The following ZKSCAN7 variants were observed in gnomAD, a reference collection of about 807,000 sequenced individuals.
ZKSCAN7 encodes the protein zinc finger protein with KRAB and SCAN domains 7.
ZKSCAN7 carries 38 observed loss-of-function variants against 65.3 expected under a neutral mutation model. The ratio of observed to expected loss-of-function variants is 0.58; its 90% confidence interval spans 0.45 to 0.76. ZKSCAN7 has a LOEUF of 0.76. Among genes scored for constraint, ZKSCAN7 ranks in the 30% least tolerant of loss-of-function variants. The probability of loss-of-function intolerance (pLI) is 0.00; values close to 1 mark genes in which losing one functional copy is unlikely to be tolerated. For missense variants in ZKSCAN7, 815 were observed against 913.3 expected (o/e 0.89, Z 1.39); for synonymous variants, 321 against 321.0 (o/e 1.00, Z 0.00).
At chr3:44,563,474 A>G (rs1283602079) in intron 2 of ZKSCAN7, among the ~76,000 whole-genome samples, 1 of 152,222 alleles carries the variant, frequency 6.6e-6, no homozygotes, top group African/African-American at 2.4e-5. Flanking sequence ...AGAAAGCATG[A>G]CTGGGAGGCC....
downstream of ZKSCAN7, among the ~76,000 whole-genome samples, chr3:44,572,981 G>A (rs957853690): frequency 1.3e-5 from 2 of 152,042 alleles, no homozygotes; most frequent in Admixed American, 6.6e-5. Flanking sequence ...ACTATGACGA[G>A]GCTTGTGGCA....
At chr3:44,578,941 C>T (rs1699989457) in intron 5 of ZKSCAN7, among the ~76,000 whole-genome samples, 3 of 152,234 alleles carry the variant, frequency 2.0e-5, no homozygotes, top group Admixed American at 1.3e-4. Flanking sequence ...CCTGCAGGAG[C>T]CGGTTCTGCT....
rs758416221 is a variant in ZKSCAN7 at position 44,571,404 on chromosome 3, G to A, written c.*29G>A. On this transcript the variant is annotated 3_prime_UTR_variant, in exon 6 of 6. Coordinates refer to ENST00000426540, the MANE Select transcript of ZKSCAN7 (RefSeq NM_001288590.2). Reference sequence around the variant, plus strand: ...ATGGTTCTCTGAGACAGAGAGCAACGACCTTTGAGTTAAGCTGTCTTTATA... The same window carrying A: ...ATGGTTCTCTGAGACAGAGAGCAACAACCTTTGAGTTAAGCTGTCTTTATA... The A allele has an allele frequency of 2.5e-6, 4 of 1,610,750 alleles. No homozygotes were observed. The highest frequency in any genetic ancestry group is 1.7e-5 in the Admixed American group (1 of 60,026).
intron 5 of ZKSCAN7, among the ~76,000 whole-genome samples, chr3:44,578,748 C>T (rs1172505170): frequency 2.6e-5 from 4 of 152,214 alleles, no homozygotes; most frequent in Admixed American, 6.5e-5. Context: ...GCTGTCTCCT[C>T]GGCTAGGAGT....
intron 2 of ZKSCAN7, 82 bp downstream of exon 2, chr3:44,557,552 A>G (rs2125707852): frequency 6.4e-7 from 1 of 1,574,070 alleles, no homozygotes; most frequent in African/African-American, 1.4e-5. Flanking sequence ...TCCACTTCCC[A>G]GGCCCTAGGC....
At position 44,580,986 on chromosome 3, in the gene ZKSCAN7, G is replaced by A. The variant is rs143506509; in HGVS notation, c.812-1986G>A. On this transcript the variant is annotated intron_variant, in intron 5 of 5. Transcript: ENST00000341840. ...ACACTTGCTCTTGTTGAAGATGTTG[G>A]CCTGGAATTTCCTGCACGGGTTCTC... The A allele has an allele frequency of 1.9e-4, 302 of 1,611,308 alleles. 1 individual carries two copies. Among genetic ancestry groups the A allele is most frequent in the Middle Eastern group, 9.0e-4 (4 of 4,466 alleles).
intron 5 of ZKSCAN7, among the ~76,000 whole-genome samples, chr3:44,578,813 T>G (rs1699985973): frequency 6.6e-6 from 1 of 152,168 alleles, no homozygotes; most frequent in South Asian, 2.1e-4. Context: ...CCTCTGGAGA[T>G]CTTCAATCTT....
chr3:44,568,312 T>C lies in ZKSCAN7; in HGVS notation c.690T>C (p.Thr230=). Residue 230 remains threonine (T), a synonymous_variant, in exon 5 of 6, where the codon ACT becomes ACC. Coordinates refer to ENST00000426540, the MANE Select transcript of ZKSCAN7 (RefSeq NM_001288590.2). ...ATTGGAGCTTGTCATTCCAGGATAC[T>C]GTGGCATATGAGGACCTATCTGTAG... ...TVLRMVRPQD[T]VAYEDLSVDY... 1 of 1,612,430 alleles carries C rather than the reference T, an allele frequency of 6.2e-7. No homozygotes were observed. The highest frequency in any genetic ancestry group is 8.5e-7 in the Non-Finnish European group (1 of 1,179,364).
At chr3:44,582,437 C>T (rs1428036969) in intron 5 of ZKSCAN7, among the ~76,000 whole-genome samples, 1 of 152,152 alleles carries the variant, frequency 6.6e-6, no homozygotes, top group African/African-American at 2.4e-5. Flanking sequence ...CCTTAGATGG[C>T]CTAGTCCACA....
intron 2 of ZKSCAN7, among the ~76,000 whole-genome samples, chr3:44,562,811 A>G (rs1314489009): frequency 6.6e-6 from 1 of 152,098 alleles, no homozygotes; most frequent in Non-Finnish European, 1.5e-5. Flanking sequence ...TCTACTAAAA[A>G]TACAAAAAAT....
downstream of ZKSCAN7, among the ~76,000 whole-genome samples, chr3:44,575,963 T>G (rs145191963): frequency 0.014 from 2,171 of 152,284 alleles, 34 homozygotes; most frequent in African/African-American, 0.029. Context: ...TTTGGAAGTT[T>G]TTTTTCTTTT....
intron 5 of ZKSCAN7, among the ~76,000 whole-genome samples, chr3:44,577,642 G>T (rs4682747): frequency 6.6e-6 from 1 of 152,040 alleles, no homozygotes; most frequent in Non-Finnish European, 1.5e-5. Context: ...GTGAGTGTGG[G>T]GGGTCACAGC....
rs1205612543 is a variant in ZKSCAN7, at chr3:44,571,228, T to C, written c.2118T>C (p.Leu706=). The change falls in exon 6 of 6, where the codon CTT becomes CTC. Residue 706 remains leucine, a synonymous_variant. Transcript: ENST00000426540. ...CGKAFSDSSQ[L]IVHQRVHTGE... is the part of the protein sequence containing the mutation. ...AAGCTTTTAGTGACAGCTCACAGCT[T>C]ATTGTACACCAGAGAGTCCACACCG... 2.5e-6 allele frequency: 4 copies of C among 1,614,008 alleles called. No individual in the cohort carries two copies. Among genetic ancestry groups the C allele is most frequent in the African/African-American group, 1.3e-5 (1 of 74,876 alleles).
At chr3:44,556,845 G>A (rs1466120856) in intron 1 of ZKSCAN7, 85 bp from the exon 2 acceptor site, 3 of 690,550 alleles carry the variant, frequency 4.3e-6, no homozygotes, top group Non-Finnish European at 7.4e-6. Flanking sequence ...TTTTCCTGGA[G>A]CTTTGTTTTT....
chr3:44,580,640 GA>G, intron 5 of ZKSCAN7: 1 of 1,613,976 alleles, frequency 6.2e-7, no homozygotes, highest in Admixed American at 1.7e-5. Context: ...CCGCCCGGAT[GA>G]AATGCTCCTT....
At chr3:44,573,017 T>C (rs1699852090), downstream of ZKSCAN7, among the ~76,000 whole-genome samples, 4 of 152,244 alleles carry the variant, frequency 2.6e-5, no homozygotes, top group Admixed American at 1.3e-4. Flanking sequence ...AGGAATCTGT[T>C]TTCCTTATCG....
chr3:44,577,659 G>A (rs565896283), intron 5 of ZKSCAN7, among the ~76,000 whole-genome samples: 1,692 of 152,232 alleles, frequency 0.011, 20 homozygotes, highest in Admixed American at 0.024. Flanking sequence ...CAGCCAGGAA[G>A]GGACTAACAC....
At chr3:44,577,058 G>A (rs1328493960), downstream of ZKSCAN7, among the ~76,000 whole-genome samples, 3 of 151,868 alleles carry the variant, frequency 2.0e-5, 1 homozygote, top group Non-Finnish European at 4.4e-5. Context: ...CAACTTCCTA[G>A]GTTCAAGGGA....
intron 2 of ZKSCAN7, among the ~76,000 whole-genome samples, chr3:44,564,226 TA>T (rs1452642781): frequency 1.3e-5 from 2 of 152,188 alleles, no homozygotes; most frequent in Non-Finnish European, 2.9e-5. Context: ...GGGTTAGAAA[TA>T]AAATGTCTAT....
Sources: allele counts gnomAD v4.1 joint callset (sites outside exome capture counted in the v4.1 genomes callset), GRCh38; gene constraint gnomAD v4.1.1; transcripts MANE v1.5; gene names NCBI Gene and HGNC (gene_info 2026-07-23, HGNC 2026-07-21).